The following NXPH1 variants were observed in gnomAD, a reference collection of about 807,000 sequenced individuals.
The protein encoded by NXPH1 is neurexophilin-1.
Under a neutral mutation model 23.7 loss-of-function variants are expected in NXPH1, and 5 were observed. The ratio of observed to expected loss-of-function variants is 0.21; its 90% CI spans 0.11 to 0.44. NXPH1 has a LOEUF of 0.44. NXPH1 is among the 20% of genes least tolerant of loss of function. The pLI is 0.99. For missense variants in NXPH1, 324 were observed against 321.6 expected, an observed-to-expected ratio of 1.01 and a Z score of -0.06; for synonymous variants, 144 against 122.2, an observed-to-expected ratio of 1.18 and a Z score of -1.18.
intron 2 of NXPH1, among the ~76,000 whole-genome samples, chr7:8,683,713 A>G (rs369826265): frequency 1.3e-5 from 2 of 152,096 alleles, no homozygotes; most frequent in African/African-American, 4.8e-5. Context: ...AACTACTATT[A>G]CTTTTGCACC....
At chr7:8,580,388 G>C (rs555201413) in intron 2 of NXPH1, among the ~76,000 whole-genome samples, 1 of 152,108 alleles carries the variant, frequency 6.6e-6, no homozygotes, top group South Asian at 2.1e-4. Context: ...ACTTACTCTT[G>C]GCAGAAAAAG....
intron 2 of NXPH1, among the ~76,000 whole-genome samples, chr7:8,674,518 T>C (rs1820918765): frequency 6.6e-6 from 1 of 152,170 alleles, no homozygotes; most frequent in African/African-American, 2.4e-5. Flanking sequence ...TGCATTCGTA[T>C]GGAGAGCTGC....
At chr7:8,437,711 CGT>C (rs1357860510) in intron 2 of NXPH1, among the ~76,000 whole-genome samples, 1 of 152,234 alleles carries the variant, frequency 6.6e-6, no homozygotes, top group Non-Finnish European at 1.5e-5. Context: ...TAATGCGCTG[CGT>C]TCTCAACAAC....
At chr7:8,674,172 C>G (rs958733546) in intron 2 of NXPH1, among the ~76,000 whole-genome samples, 1 of 113,722 alleles carries the variant, frequency 8.8e-6, no homozygotes, top group African/African-American at 3.7e-5. Context: ...GACACACACA[C>G]ACACACACAC....
At chr7:8,521,669 T>C (rs1275642864) in intron 2 of NXPH1, among the ~76,000 whole-genome samples, 1 of 152,176 alleles carries the variant, frequency 6.6e-6, no homozygotes, top group African/African-American at 2.4e-5. Context: ...AATTGAGATA[T>C]AGGAGTTTTT....
chr7:8,496,681 A>G (rs2128611942), intron 2 of NXPH1, among the ~76,000 whole-genome samples: 1 of 152,180 alleles, frequency 6.6e-6, no homozygotes, highest in African/African-American at 2.4e-5. Context: ...AGGGAGAGGG[A>G]GCTCAGCAAT....
intron 2 of NXPH1, among the ~76,000 whole-genome samples, chr7:8,656,943 T>C (rs1045383075): frequency 2.0e-5 from 3 of 152,252 alleles, no homozygotes; most frequent in African/African-American, 4.8e-5. Flanking sequence ...GAATTTACAA[T>C]TCTTCAGCAA....
intron 2 of NXPH1, among the ~76,000 whole-genome samples, chr7:8,634,346 C>T (rs1338485112): frequency 6.6e-6 from 1 of 152,140 alleles, no homozygotes; most frequent in Non-Finnish European, 1.5e-5. Flanking sequence ...CCTTCACCTT[C>T]CACCATGATT....
At chr7:8,725,997 C>T (rs2115210892) in intron 2 of NXPH1, among the ~76,000 whole-genome samples, 1 of 152,300 alleles carries the variant, frequency 6.6e-6, no homozygotes, top group East Asian at 1.9e-4. Context: ...ACGCTTCCTT[C>T]TAACAAAAGG....
rs564049903 is a variant in NXPH1, at chr7:8,674,989, C to A, written c.55-76019C>A. 6.6e-5 allele frequency among the ~76,000 whole-genome samples: 10 copies of A among 152,264 alleles called. No homozygotes were observed. In the South Asian group the frequency reaches 2.1e-3, roughly 32 times the overall value. ...GTTCTAAGCCAACTTAGTGACAGAG[C>A]AACCCTGACTATTTCCTACCAGGGC... On this transcript the variant is annotated intron_variant, in intron 2 of 2. Transcript: ENST00000405863.
intron 2 of NXPH1, among the ~76,000 whole-genome samples, chr7:8,462,132 C>G (rs946704554): frequency 4.6e-5 from 7 of 152,002 alleles, no homozygotes; most frequent in Non-Finnish European, 5.9e-5. Context: ...CACAGCAACC[C>G]CTGCCTCATG....
At chr7:8,625,448 A>T (rs1440291867) in intron 2 of NXPH1, among the ~76,000 whole-genome samples, 1 of 152,178 alleles carries the variant, frequency 6.6e-6, no homozygotes, top group Non-Finnish European at 1.5e-5. Context: ...TGTGCAGATG[A>T]TACCATTCTG....
chr7:8,715,964 T>G (rs905456671), intron 2 of NXPH1, among the ~76,000 whole-genome samples: 1 of 152,164 alleles, frequency 6.6e-6, no homozygotes. Context: ...TTAGCAGTTG[T>G]CAATGCATAT....
chr7:8,727,331 C>CTA lies in NXPH1; in HGVS notation c.55-23676_55-23675insAT, dbSNP rs779470099. 3.9e-4 allele frequency among the ~76,000 whole-genome samples: 53 copies of CTA among 137,638 alleles called. 1 individual carries two copies. Among genetic ancestry groups the CTA allele is most frequent in the Non-Finnish European group, 6.9e-4 (45 of 65,452 alleles). 90.3% of individuals were successfully genotyped at this position (137,638 alleles called of 152,430 possible). A position where few individuals can be genotyped will look rare whatever the true frequency, so the allele number is the denominator to read the frequency against. On this transcript the variant is annotated intron_variant, in intron 2 of 2. Coordinates refer to ENST00000405863, the MANE Select transcript of NXPH1 (RefSeq NM_152745.3). ...TAGTTTCTTTTGCTGTACAGAAGCT[C>CTA]TTTAGTTTAATTAGATCCCATTTGT...
intron 2 of NXPH1, among the ~76,000 whole-genome samples, chr7:8,626,874 T>G (rs1820001725): frequency 1.3e-5 from 2 of 152,098 alleles, no homozygotes. Flanking sequence ...CTACTTACCT[T>G]CTATTCTTCC....
chr7:8,649,613 G>T (rs1195722246), intron 2 of NXPH1, among the ~76,000 whole-genome samples: 1 of 152,116 alleles, frequency 6.6e-6, no homozygotes, highest in African/African-American at 2.4e-5. Flanking sequence ...TATGTGCCTA[G>T]GTTCCAAGTC....
intron 2 of NXPH1, among the ~76,000 whole-genome samples, chr7:8,647,689 T>A (rs552529277): frequency 6.6e-6 from 1 of 152,154 alleles, no homozygotes; most frequent in East Asian, 1.9e-4. Context: ...CAATATATTA[T>A]ATCCTACTCT....
At chr7:8,516,088 G>T (rs193029121) in intron 2 of NXPH1, among the ~76,000 whole-genome samples, 9 of 152,172 alleles carry the variant, frequency 5.9e-5, no homozygotes, top group East Asian at 1.9e-4. Flanking sequence ...TTCAAATCCT[G>T]CTTGCTTAAG....
chr7:8,645,700 A>T (rs6957455), intron 2 of NXPH1, among the ~76,000 whole-genome samples: 109,132 of 151,526 alleles, frequency 0.72, 39,834 homozygotes, highest in East Asian at 1. Context: ...AGTTATTGTA[A>T]ACATTTTAAT....
Sources: allele counts gnomAD v4.1 joint callset (sites outside exome capture counted in the v4.1 genomes callset), GRCh38; gene constraint gnomAD v4.1.1; transcripts MANE v1.5; gene names NCBI Gene and HGNC (gene_info 2026-07-23, HGNC 2026-07-21).